Variants in MAP2 observed in about 807,000 individuals in gnomAD.
The protein encoded by MAP2 is microtubule-associated protein 2.
In MAP2, 14 loss-of-function variants were observed where a neutral mutation model predicts 137.6. The observed-to-expected ratio is 0.10, with a 90% CI of 0.07 to 0.16. The LOEUF is 0.16. MAP2 is among the 10% of genes least tolerant of loss of function. The probability of loss-of-function intolerance (pLI) is 1.00; values close to 1 mark genes in which losing one functional copy is unlikely to be tolerated. For missense variants in MAP2, 2,088 were observed against 2,191.5 expected (o/e 0.95, Z 0.94); for synonymous variants, 786 against 782.3 (o/e 1.00, Z -0.08).
At chr2:209,627,444 G>A (rs1284582758) in intron 4 of MAP2, among the ~76,000 whole-genome samples, 1 of 152,054 alleles carries the variant, frequency 6.6e-6, no homozygotes, top group African/African-American at 2.4e-5. Context: ...ATTTGAGTAA[G>A]TAAATTTGAG....
At chr2:209,683,007 C>T (rs922351240) in intron 7 of MAP2, among the ~76,000 whole-genome samples, 5 of 152,238 alleles carry the variant, frequency 3.3e-5, no homozygotes, top group East Asian at 1.9e-4. Flanking sequence ...CTCCAAAAGT[C>T]GGCTTGAGGT....
At position 209,695,320 on chromosome 2, in the gene MAP2, T is replaced by C. The variant is rs761460463; in HGVS notation, c.3150T>C (p.Ile1050=). The change falls in exon 8 of 16, where the codon ATT becomes ATC. Residue 1050 remains isoleucine, a synonymous_variant. Transcript: ENST00000682079. ...FAVQGQLDVK[I]SDFGQMASGL... is the part of the protein sequence containing the mutation. ...TCCAGGGTCAACTAGATGTTAAAAT[T>C]AGTGACTTTGGACAGATGGCTTCAG... 6.2e-7 allele frequency: 1 copy of C among 1,613,934 alleles called. No homozygotes were observed. The highest frequency in any genetic ancestry group is 1.1e-5 in the South Asian group (1 of 91,046).
rs540931308 is a variant in MAP2 at position 209,465,273 on chromosome 2, A to G, written c.-222+40997A>G. 7.9e-5 allele frequency among the ~76,000 whole-genome samples: 12 copies of G among 152,310 alleles called. No individual in the cohort carries two copies. The South Asian group carries it at 2.5e-3, about 32-fold the overall frequency. On this transcript the variant is annotated intron_variant, in intron 1 of 15. Transcript: ENST00000682079. Reference sequence around the variant, plus strand: ...GTTCCAGAAATACTTTTGTCTAAAAAAAAGTGAAAGAAAAATAAACTAAAT... The same window carrying G: ...GTTCCAGAAATACTTTTGTCTAAAAGAAAGTGAAAGAAAAATAAACTAAAT...
chr2:209,671,174 G>C (rs1042088251), intron 5 of MAP2, among the ~76,000 whole-genome samples: 1 of 151,898 alleles, frequency 6.6e-6, no homozygotes, highest in African/African-American at 2.4e-5. Context: ...TAGCTGCAAT[G>C]TTGGCCAGTG....
At chr2:209,442,598 T>A (rs1175998445) in intron 1 of MAP2, among the ~76,000 whole-genome samples, 1 of 151,656 alleles carries the variant, frequency 6.6e-6, no homozygotes, top group Non-Finnish European at 1.5e-5. Context: ...GATGATCTTT[T>A]CCATTGTCCG....
chr2:209,676,746 T>TCTCCC (rs1174481087), intron 5 of MAP2, among the ~76,000 whole-genome samples: 3 of 63,828 alleles, frequency 4.7e-5, no homozygotes, highest in Non-Finnish European at 8.6e-5. Flanking sequence ...TATATATATA[T>TCTCCC]ATATATATAT....
At chr2:209,445,270 G>A (rs769492913) in intron 1 of MAP2, among the ~76,000 whole-genome samples, 96 of 151,558 alleles carry the variant, frequency 6.3e-4, no homozygotes, top group Non-Finnish European at 1.1e-3. Flanking sequence ...TCAAGAGAGA[G>A]GTTTACGTTC....
chr2:209,657,278 T>C (rs11884702), intron 5 of MAP2, among the ~76,000 whole-genome samples: 5,049 of 152,316 alleles, frequency 0.033, 272 homozygotes, highest in African/African-American at 0.11. Context: ...TTATTTTCCA[T>C]TGGGTAGATA....
intron 10 of MAP2, 78 bp from the exon 11 acceptor site, chr2:209,700,199 A>T: frequency 8.6e-7 from 1 of 1,157,274 alleles, no homozygotes; most frequent in Non-Finnish European, 1.3e-6. Context: ...ACAACAGAAT[A>T]TCCTACAGGT....
chr2:209,664,552 C>CA (rs1295812576), intron 5 of MAP2, among the ~76,000 whole-genome samples: 3 of 149,748 alleles, frequency 2.0e-5, no homozygotes, highest in African/African-American at 2.5e-5. Flanking sequence ...CTGTCTCAAA[C>CA]AAAAAAACAA....
chr2:209,533,807 C>A (rs2065516814), intron 2 of MAP2, among the ~76,000 whole-genome samples: 1 of 152,164 alleles, frequency 6.6e-6, no homozygotes. Context: ...AGGAGAGGTG[C>A]TTGAAGATCA....
In MAP2 at chr2:209,475,204, G is replaced by A. The variant is rs574306405; in HGVS notation, c.-221-32388G>A. ...AACATCCTACTGTGTGTTTATACAC[G>A]TACACAAATCACAAGTCAGTGAATG... On this transcript the variant is annotated intron_variant, in intron 1 of 15. Coordinates refer to ENST00000682079, the MANE Select transcript of MAP2 (RefSeq NM_001375505.1). Among the ~76,000 whole-genome samples the A allele has an allele frequency of 3.3e-5, 5 of 152,098 alleles. No homozygotes were observed. The South Asian group carries it at 8.3e-4, about 25-fold the overall frequency.
At chr2:209,648,970 A>G (rs940456937) in intron 4 of MAP2, among the ~76,000 whole-genome samples, 2 of 152,096 alleles carry the variant, frequency 1.3e-5, no homozygotes, top group South Asian at 2.1e-4. Context: ...AAAAATTCCT[A>G]GTATCTCACA....
At chr2:209,517,936 C>T (rs919516774) in intron 2 of MAP2, among the ~76,000 whole-genome samples, 1 of 151,924 alleles carries the variant, frequency 6.6e-6, no homozygotes, top group African/African-American at 2.4e-5. Context: ...CTGGTCCAGC[C>T]TTTGGGAAAC....
intron 4 of MAP2, among the ~76,000 whole-genome samples, chr2:209,628,296 C>A (rs565404182): frequency 1.3e-5 from 2 of 152,180 alleles, no homozygotes; most frequent in South Asian, 4.2e-4. Flanking sequence ...ACCCGGGAGA[C>A]GGAGGTTGCA....
At chr2:209,629,366 A>G (rs2092740774) in intron 4 of MAP2, among the ~76,000 whole-genome samples, 1 of 152,104 alleles carries the variant, frequency 6.6e-6, no homozygotes, top group African/African-American at 2.4e-5. Context: ...TTTTATTTTT[A>G]TAATATTCCT....
At chr2:209,669,660 C>A (rs1281266419) in intron 5 of MAP2, among the ~76,000 whole-genome samples, 2 of 151,914 alleles carry the variant, frequency 1.3e-5, no homozygotes, top group Non-Finnish European at 2.9e-5. Flanking sequence ...GCATTGATTT[C>A]TCCATAAGAA....
At chr2:209,682,435 G>A (rs1405978473) in intron 7 of MAP2, among the ~76,000 whole-genome samples, 10 of 152,104 alleles carry the variant, frequency 6.6e-5, no homozygotes, top group East Asian at 1.9e-4. Flanking sequence ...AGGTTGCAGC[G>A]AGCCAAGATG....
chr2:209,551,140 G>C (rs950220716), intron 2 of MAP2, among the ~76,000 whole-genome samples: 1 of 152,030 alleles, frequency 6.6e-6, no homozygotes, highest in African/African-American at 2.4e-5. Context: ...AAGTTATAGG[G>C]CTAGGTAGAA....
Sources: gnomAD v4.1 joint callset for allele counts (sites outside exome capture counted in the v4.1 genomes callset) on GRCh38, gnomAD v4.1.1 for gene constraint, MANE v1.5 for transcripts, NCBI Gene and HGNC (gene_info 2026-07-23, HGNC 2026-07-21) for gene names.